The following PSG2 variants were observed in gnomAD, a reference collection of about 807,000 sequenced individuals.
The protein encoded by PSG2 is pregnancy specific beta-1-glycoprotein 2.
In PSG2, 49 loss-of-function variants were observed where a neutral mutation model predicts 36.2. That is an observed-to-expected ratio of 1.35 (90% CI 1.08 to 1.72). PSG2 has a LOEUF of 1.72. Among genes scored for constraint, PSG2 ranks in the 40% most tolerant of loss-of-function variants. The pLI is 0.00. For synonymous variants in PSG2, 261 were observed against 155.6 expected, an observed-to-expected ratio of 1.68 and a Z score of -5.04; for missense variants, 605 against 407.2, an observed-to-expected ratio of 1.49 and a Z score of -4.18.
chr19:43,080,127 CA>C (rs1486501850), intron 2 of PSG2, among the ~76,000 whole-genome samples: 1 of 151,864 alleles, frequency 6.6e-6, no homozygotes, highest in East Asian at 1.9e-4. Flanking sequence ...AGCACCGTTA[CA>C]TCAGATCCCT....
intron 2 of PSG2, 103 bp downstream of exon 2, chr19:43,080,778 G>A: frequency 6.2e-7 from 1 of 1,601,438 alleles, no homozygotes; most frequent in Non-Finnish European, 8.6e-7. Context: ...GGGACATAAT[G>A]CAGAGAGGGA....
In PSG2 at chr19:43,069,929, A is replaced by C. The variant is rs560647275; in HGVS notation, c.964+1771T>G. Among the ~76,000 whole-genome samples, 83 of 151,824 alleles carry C rather than the reference A, an allele frequency of 5.5e-4. 1 individual carries two copies. Among genetic ancestry groups the C allele is most frequent in the Non-Finnish European group, 1.0e-3 (69 of 67,978 alleles). ...CATGAAATGATAAAAATATTTGCAA[A>C]TTATATGTGTGATAAGAAATTAATT... On this transcript the variant is annotated intron_variant, in intron 4 of 5. Coordinates refer to ENST00000406487, the MANE Select transcript of PSG2 (RefSeq NM_031246.4).
At chr19:43,082,478 G>A (rs776838372) in intron 1 of PSG2, 28 bp downstream of exon 1, 3 of 1,605,314 alleles carry the variant, frequency 1.9e-6, no homozygotes, top group East Asian at 4.5e-5. Context: ...TCCTCCTCCT[G>A]TCCTCTCCCA....
intron 4 of PSG2, 90 bp from the exon 5 acceptor site, chr19:43,066,690 C>G (rs1281622953): frequency 2.1e-5 from 30 of 1,408,574 alleles, no homozygotes; most frequent in South Asian, 8.4e-5. Flanking sequence ...ATGAGGTACT[C>G]TATAATTGTT....
chr19:43,064,793 T>A (rs1362148925), intron 5 of PSG2, among the ~76,000 whole-genome samples, 192 bp from the exon 6 acceptor site: 2 of 151,790 alleles, frequency 1.3e-5, no homozygotes, highest in Admixed American at 1.3e-4. Context: ...GATAACATAT[T>A]TGATTTTCAG....
At chr19:43,071,233 G>A (rs1967811631) in intron 4 of PSG2, among the ~76,000 whole-genome samples, 2 of 151,732 alleles carry the variant, frequency 1.3e-5, no homozygotes, top group African/African-American at 4.9e-5. Flanking sequence ...GCAGGAAGCA[G>A]AGTCTGAGCT....
chr19:43,079,935 G>A (rs149741377), intron 2 of PSG2, among the ~76,000 whole-genome samples: 13,474 of 151,684 alleles, frequency 0.089, 795 homozygotes, highest in South Asian at 0.16. Flanking sequence ...CTCTGGTTCA[G>A]TGACTGTGCC....
chr19:43,073,939 A>G (rs1599707937), intron 3 of PSG2, among the ~76,000 whole-genome samples: 1 of 151,738 alleles, frequency 6.6e-6, no homozygotes, highest in African/African-American at 2.4e-5. Context: ...TTTCAGCATC[A>G]GATTAGTAGG....
intron 3 of PSG2, among the ~76,000 whole-genome samples, chr19:43,074,912 GT>G (rs1400561351): frequency 7.5e-6 from 1 of 132,776 alleles, no homozygotes; most frequent in African/African-American, 3.6e-5. Flanking sequence ...CCCTTGTATG[GT>G]AATAGGTGTG....
chr19:43,075,918 C>G (rs1007829327), intron 2 of PSG2, among the ~76,000 whole-genome samples: 12 of 151,538 alleles, frequency 7.9e-5, no homozygotes, highest in African/African-American at 2.9e-4. Flanking sequence ...CCTGGTGCCT[C>G]TCTGAGTCCC....
chr19:43,080,997 G>A lies in PSG2; in HGVS notation c.314C>T (p.Ala105Val), dbSNP rs1353538097. The change falls in exon 2 of 6, where the codon GCA (alanine) becomes GTA (valine). Residue 105 changes from alanine (A) to valine (V), a missense_variant. Transcript: ENST00000406487. ...YSGRETAYSN[A>V]SLLIQNVTRE... ...GGTGACATTCTGGATCAGCAGGGAT[G>A]CATTGGAATATGCTGTTTCTCGTCC... 9 of 1,613,154 alleles carry A rather than the reference G, an allele frequency of 5.6e-6. No homozygotes were observed. The highest frequency in any genetic ancestry group is 5.0e-5 in the Admixed American group (3 of 59,960).
intron 3 of PSG2, among the ~76,000 whole-genome samples, chr19:43,073,948 G>C (rs1271753121): frequency 1.3e-5 from 2 of 151,678 alleles, no homozygotes; most frequent in Non-Finnish European, 1.5e-5. Flanking sequence ...CAGATTAGTA[G>C]GCAAAAGTGG....
At chr19:43,082,158 T>C (rs922321402) in intron 1 of PSG2, 2 of 118,206 alleles carry the variant, frequency 1.7e-5, no homozygotes, top group African/African-American at 6.9e-5. Context: ...TTTTTTTTTT[T>C]GAGACGGAGT....
chr19:43,070,005 C>T (rs1031451408), intron 4 of PSG2, among the ~76,000 whole-genome samples: 1 of 151,492 alleles, frequency 6.6e-6, no homozygotes, highest in Non-Finnish European at 1.5e-5. Flanking sequence ...ATCCGAAAAC[C>T]CAATTAAAAA....
At chr19:43,076,687 G>C (rs563640823) in intron 2 of PSG2, among the ~76,000 whole-genome samples, 6 of 151,644 alleles carry the variant, frequency 4.0e-5, no homozygotes, top group Admixed American at 3.3e-4. Flanking sequence ...GGAATAGGGC[G>C]TTGTTCTGTG....
In PSG2 at chr19:43,071,594, C is replaced by G. The variant is rs1419900613; in HGVS notation, c.964+106G>C. ...GAGGAGAATTTGGGATTTGCTTTTG[C>G]CCATGGGACACAGGCTGGGAATAAA... is the stretch of plus-strand genomic sequence containing the variant. On this transcript the variant is annotated intron_variant, in intron 4 of 5. Coordinates refer to ENST00000406487, the MANE Select transcript of PSG2 (RefSeq NM_031246.4). The G allele has an allele frequency of 5.0e-6, 8 of 1,609,790 alleles. No homozygotes were observed. The Admixed American group carries it at 1.3e-4, about 27-fold the overall frequency.
chr19:43,078,810 G>A (rs530434646), intron 2 of PSG2, among the ~76,000 whole-genome samples: 1 of 151,692 alleles, frequency 6.6e-6, no homozygotes, highest in Admixed American at 6.6e-5. Context: ...GTGTGCAGGA[G>A]GCCAGAAGAA....
At chr19:43,080,675 G>T (rs1179113437) in intron 2 of PSG2, among the ~76,000 whole-genome samples, 2 of 151,584 alleles carry the variant, frequency 1.3e-5, no homozygotes, top group Admixed American at 6.6e-5. Context: ...TGCAGCGAGT[G>T]TCTGCAGGGT....
At chr19:43,080,180 C>A (rs1215596534) in intron 2 of PSG2, among the ~76,000 whole-genome samples, 1 of 151,774 alleles carries the variant, frequency 6.6e-6, no homozygotes, top group African/African-American at 2.4e-5. Flanking sequence ...TCTTCTGTTT[C>A]TGCTTCTGGG....
Sources: allele counts gnomAD v4.1 joint callset (sites outside exome capture counted in the v4.1 genomes callset), GRCh38; gene constraint gnomAD v4.1.1; transcripts MANE v1.5; gene names NCBI Gene and HGNC (gene_info 2026-07-23, HGNC 2026-07-21).